The following TENM1 variants were observed in gnomAD, a reference collection of about 807,000 sequenced individuals.
TENM1 encodes the protein teneurin transmembrane protein 1, also known as teneurin-1.
In TENM1, 35 loss-of-function variants were observed where a neutral mutation model predicts 174.8. The ratio of observed to expected loss-of-function variants is 0.20; its 90% CI spans 0.15 to 0.27. The LOEUF (loss-of-function observed/expected upper bound fraction) is 0.27, where lower values mean the gene tolerates loss of function less well. Among genes scored for constraint, TENM1 ranks in the 10% least tolerant of loss-of-function variants. The pLI is 1.00. For synonymous variants in TENM1, 781 were observed against 798.7 expected (o/e 0.98, Z 0.37); for missense variants, 1,633 against 2,130.1 (o/e 0.77, Z 4.59).
At chrX:124,511,902 G>A (rs1290482122) in intron 18 of TENM1, among the ~76,000 whole-genome samples, 1 of 111,451 alleles carries the variant, frequency 9.0e-6, no homozygotes, top group African/African-American at 3.3e-5. Context: ...CCTATGTGTC[G>A]TGAACCTTTA....
chrX:124,760,205 C>T (rs1174046815), intron 3 of TENM1, among the ~76,000 whole-genome samples: 1 of 111,095 alleles, frequency 9.0e-6, no homozygotes, highest in Non-Finnish European at 1.9e-5. Context: ...AGTTTTTTTT[C>T]CTTTTTGCCC....
At chrX:125,048,968 A>T in the TENM1 span, among the ~76,000 whole-genome samples, 1 of 111,897 alleles carries the variant, frequency 8.9e-6, no homozygotes, top group African/African-American at 3.2e-5. Context: ...AATAGTACCG[A>T]TGTACATATA....
intron 3 of TENM1, among the ~76,000 whole-genome samples, chrX:124,792,439 A>T (rs1277154916): frequency 2.7e-5 from 3 of 112,234 alleles, no homozygotes; most frequent in Non-Finnish European, 5.6e-5. Flanking sequence ...ATAAGAAGAG[A>T]GAGAATTTTC....
chrX:124,385,542 G>C (rs2060208467), intron 29 of TENM1, 135 bp downstream of exon 32: 1 of 588,949 alleles, frequency 1.7e-6, no homozygotes, highest in African/African-American at 2.2e-5. Flanking sequence ...TTCAATGTCA[G>C]ATAATTTGAT....
chrX:124,435,975 C>T (rs1165584777), intron 23 of TENM1, among the ~76,000 whole-genome samples: 1 of 111,715 alleles, frequency 9.0e-6, no homozygotes, highest in Non-Finnish European at 1.9e-5. Flanking sequence ...GGCAAAATCA[C>T]CCTCACGAAT....
At chrX:124,596,458 TA>T (rs1463175928) in intron 11 of TENM1, among the ~76,000 whole-genome samples, 3 of 111,946 alleles carry the variant, frequency 2.7e-5, no homozygotes, top group Non-Finnish European at 5.6e-5. Context: ...ATTGCATACA[TA>T]CTCAAAGAAA....
At chrX:124,492,105 A>G (rs943261093) in intron 20 of TENM1, among the ~76,000 whole-genome samples, 5 of 111,987 alleles carry the variant, frequency 4.5e-5, no homozygotes, top group African/African-American at 1.3e-4. Context: ...AGAGGATCAA[A>G]ATCTATAAGG....
At chrX:124,584,882 A>C (rs2049450186) in intron 11 of TENM1, among the ~76,000 whole-genome samples, 2 of 109,993 alleles carry the variant, frequency 1.8e-5, no homozygotes, top group Admixed American at 1.9e-4. Context: ...CAGGGGTTGC[A>C]ATCCTAGTCT....
upstream of TENM1, among the ~76,000 whole-genome samples, chrX:124,964,646 C>T (rs768828334): frequency 2.7e-5 from 3 of 111,524 alleles, no homozygotes; most frequent in Admixed American, 1.9e-4. Flanking sequence ...CTACTTAGCA[C>T]GGAGAGTTTC....
intron 11 of TENM1, among the ~76,000 whole-genome samples, chrX:124,593,458 G>A (rs748615090): frequency 7.2e-5 from 8 of 111,466 alleles, no homozygotes; most frequent in South Asian, 3.8e-4. Context: ...GGAGCGGAAG[G>A]GGCCCTGCGG....
the TENM1 span, among the ~76,000 whole-genome samples, chrX:124,983,395 A>G: frequency 9.0e-6 from 1 of 111,536 alleles, no homozygotes; most frequent in South Asian, 3.8e-4. Context: ...TAAGTAGCTT[A>G]CTTAATTCCA....
intron 3 of TENM1, among the ~76,000 whole-genome samples, chrX:124,772,948 A>T (rs2054692000): frequency 8.9e-6 from 1 of 111,738 alleles, no homozygotes; most frequent in African/African-American, 3.3e-5. Context: ...TGACAAAATA[A>T]AACTTTATAA....
the TENM1 span, among the ~76,000 whole-genome samples, chrX:125,155,973 C>G: frequency 8.9e-6 from 1 of 112,730 alleles, no homozygotes; most frequent in Non-Finnish European, 1.9e-5. Flanking sequence ...GCAAGGGAGG[C>G]GCCGAGAGCG....
At chrX:124,703,145 G>A (rs1220482397) in intron 5 of TENM1, among the ~76,000 whole-genome samples, 2 of 111,363 alleles carry the variant, frequency 1.8e-5, no homozygotes, top group South Asian at 3.8e-4. Flanking sequence ...CTATAGGTAC[G>A]ATTTTAAGCC....
chrX:125,093,859 A>G, the TENM1 span, among the ~76,000 whole-genome samples: 224 of 112,385 alleles, frequency 2.0e-3, 1 homozygote, highest in African/African-American at 6.9e-3. Context: ...AAAACAGGGC[A>G]AATTCTCTAT....
At chrX:124,860,846 TG>T (rs914819110) in intron 3 of TENM1, among the ~76,000 whole-genome samples, 2 of 111,826 alleles carry the variant, frequency 1.8e-5, no homozygotes, top group Non-Finnish European at 3.8e-5. Flanking sequence ...TTATGATTCT[TG>T]GGAGAACGTG....
intron 1 of TENM1, among the ~76,000 whole-genome samples, chrX:124,950,289 A>G (rs558104033): frequency 1.1e-3 from 121 of 111,872 alleles, no homozygotes; most frequent in Admixed American, 7.5e-3. Flanking sequence ...AACAAAAACA[A>G]TCAACTTTTT....
At chrX:124,533,620 T>G (rs1346099771) in intron 15 of TENM1, among the ~76,000 whole-genome samples, 1 of 111,933 alleles carries the variant, frequency 8.9e-6, no homozygotes, top group Non-Finnish European at 1.9e-5. Context: ...ACATCAAAAC[T>G]ACCTTCAACC....
intron 25 of TENM1, among the ~76,000 whole-genome samples, chrX:124,417,381 T>A (rs2060605992): frequency 9.0e-6 from 1 of 110,596 alleles, no homozygotes; most frequent in South Asian, 4.0e-4. Flanking sequence ...CAGCTAATTG[T>A]TTGTATTTTT....
Sources: gnomAD v4.1 joint callset for allele counts (sites outside exome capture counted in the v4.1 genomes callset) on GRCh38, gnomAD v4.1.1 for gene constraint, MANE v1.5 for transcripts, NCBI Gene and HGNC (gene_info 2026-07-23, HGNC 2026-07-21) for gene names.